Variants in SERPINB10 observed in about 807,000 individuals in gnomAD.
The protein encoded by SERPINB10 is serpin B10.
A neutral mutation model predicts 39.1 loss-of-function variants in SERPINB10; 35 were observed. The ratio of observed to expected loss-of-function variants is 0.90; its 90% CI spans 0.68 to 1.19. The LOEUF (loss-of-function observed/expected upper bound fraction) is 1.19, where lower values mean the gene tolerates loss of function less well. Among genes scored for constraint, SERPINB10 ranks in the 50% most tolerant of loss-of-function variants. The pLI is 0.00. For missense variants in SERPINB10, 546 were observed against 460.5 expected, an observed-to-expected ratio of 1.19 and a Z score of -1.70; for synonymous variants, 190 against 158.1, an observed-to-expected ratio of 1.20 and a Z score of -1.52.
rs2050259391 is a variant in SERPINB10 at position 63,935,785 on chromosome 18, G to A, written c.*543G>A. ...AGATCACACCAGTGCACTCCAACCT[G>A]GGCAACAGAGCAAGACCCTGTCTCA... On this transcript the variant is annotated 3_prime_UTR_variant, in exon 8 of 8. Transcript: ENST00000238508. 6.6e-6 allele frequency: 1 copy of A among 152,192 alleles called. No individual in the cohort carries two copies. Among genetic ancestry groups the A allele is most frequent in the Admixed American group, 6.5e-5 (1 of 15,278 alleles). 9.4% of individuals were successfully genotyped at this position (152,192 alleles called of 1,614,324 possible). A position where few individuals can be genotyped will look rare whatever the true frequency, so the allele number is the denominator to read the frequency against.
chr18:63,924,067 G>T (rs527458850), intron 5 of SERPINB10, among the ~76,000 whole-genome samples: 23 of 152,020 alleles, frequency 1.5e-4, no homozygotes, highest in African/African-American at 4.8e-4. Context: ...TATTAATTCT[G>T]CTTCCTGTTA....
intron 7 of SERPINB10, among the ~76,000 whole-genome samples, chr18:63,933,494 A>C (rs1481334709): frequency 6.6e-6 from 1 of 152,242 alleles, no homozygotes; most frequent in African/African-American, 2.4e-5. Context: ...CATGTACAAC[A>C]GATACAAATA....
intron 6 of SERPINB10, among the ~76,000 whole-genome samples, chr18:63,931,188 A>C (rs1021476869): frequency 3.3e-5 from 5 of 152,152 alleles, no homozygotes; most frequent in Non-Finnish European, 5.9e-5. Flanking sequence ...TCCAGGAGTG[A>C]GTGATTGGGG....
chr18:63,912,650 C>A (rs80170191), intron 1 of SERPINB10, among the ~76,000 whole-genome samples: 1 of 151,810 alleles, frequency 6.6e-6, no homozygotes, highest in Middle Eastern at 3.4e-3. Context: ...GGTAAATTAA[C>A]TTTTTGATAT....
At chr18:63,911,649 T>C (rs2050065301) in intron 1 of SERPINB10, among the ~76,000 whole-genome samples, 1 of 152,112 alleles carries the variant, frequency 6.6e-6, no homozygotes, top group South Asian at 2.1e-4. Context: ...TCTGTTTTTG[T>C]GCCAGCACCA....
intron 1 of SERPINB10, among the ~76,000 whole-genome samples, chr18:63,915,117 G>T (rs962124994): frequency 6.6e-6 from 1 of 152,022 alleles, no homozygotes; most frequent in Admixed American, 6.6e-5. Flanking sequence ...GCACGAAGCA[G>T]CATAAAAAGA....
At chr18:63,921,183 TTCA>T (rs1421044504) in intron 5 of SERPINB10, among the ~76,000 whole-genome samples, 3 of 151,986 alleles carry the variant, frequency 2.0e-5, no homozygotes, top group African/African-American at 2.4e-5. Context: ...TGAAGATTAA[TTCA>T]TCATTTGTCA....
At chr18:63,918,535 T>C (rs2144725322) in intron 4 of SERPINB10, among the ~76,000 whole-genome samples, 1 of 152,144 alleles carries the variant, frequency 6.6e-6, no homozygotes, top group Non-Finnish European at 1.5e-5. Flanking sequence ...ATGATGACTC[T>C]GTCCTCTGTT....
chr18:63,932,957 G>C (rs1445566881), intron 6 of SERPINB10, 91 bp from the exon 7 acceptor site: 1 of 1,212,084 alleles, frequency 8.3e-7, no homozygotes, highest in Non-Finnish European at 1.2e-6. Context: ...TTCACCAACT[G>C]AGAGCCAATG....
At chr18:63,928,953 A>G (rs1303387199) in intron 5 of SERPINB10, among the ~76,000 whole-genome samples, 5 of 152,186 alleles carry the variant, frequency 3.3e-5, no homozygotes, top group Admixed American at 6.5e-5. Flanking sequence ...TCGGTGGCCT[A>G]TGTGAACTTT....
intron 4 of SERPINB10, among the ~76,000 whole-genome samples, chr18:63,919,411 TA>T (rs2050129774): frequency 6.6e-6 from 1 of 151,882 alleles, no homozygotes; most frequent in Admixed American, 6.6e-5. Flanking sequence ...ATACCTACCA[TA>T]AAAAGTCAAG....
chr18:63,909,210 A>G (rs1004894930), intron 1 of SERPINB10, among the ~76,000 whole-genome samples: 14 of 152,084 alleles, frequency 9.2e-5, no homozygotes, highest in African/African-American at 3.4e-4. Flanking sequence ...AAGCTCATAG[A>G]TGATCAGTTT....
chr18:63,927,984 A>G (rs138741861), intron 5 of SERPINB10, among the ~76,000 whole-genome samples: 1 of 152,204 alleles, frequency 6.6e-6, no homozygotes, highest in East Asian at 1.9e-4. Flanking sequence ...AAGGTTGAAA[A>G]GAATTTACCT....
At chr18:63,923,310 T>C (rs1476922724) in intron 5 of SERPINB10, among the ~76,000 whole-genome samples, 1 of 151,960 alleles carries the variant, frequency 6.6e-6, no homozygotes, top group Non-Finnish European at 1.5e-5. Flanking sequence ...AAATAAGGAA[T>C]TAATTAGTTC....
intron 2 of SERPINB10, 66 bp from the exon 3 acceptor site, chr18:63,917,390 A>T: frequency 1.1e-6 from 1 of 908,302 alleles, no homozygotes; most frequent in Non-Finnish European, 1.7e-6. Flanking sequence ...GTATTTACAG[A>T]TGATGTATGA....
intron 1 of SERPINB10, among the ~76,000 whole-genome samples, chr18:63,908,426 A>T (rs143670719): frequency 6.6e-6 from 1 of 152,138 alleles, no homozygotes; most frequent in East Asian, 1.9e-4. Context: ...AGGACGGTTG[A>T]GCCAAAACCC....
chr18:63,934,874 T>C lies in SERPINB10; in HGVS notation c.826T>C (p.Trp276Arg). ...CATCACCTATGAGAAGCTGAATGAG[T>C]GGACCAGTGCAGACATGATGGAGTT... The part of the protein sequence containing the change: ...KAITYEKLNE[W>R]TSADMMELYE... Residue 276 changes from tryptophan to arginine, a missense_variant, in exon 8 of 8, where the codon TGG becomes CGG. Coordinates refer to ENST00000238508, the MANE Select transcript of SERPINB10 (RefSeq NM_005024.3). The C allele has an allele frequency of 1.2e-6, 2 of 1,611,954 alleles. No homozygotes were observed. Among genetic ancestry groups the C allele is most frequent in the Admixed American group, 1.7e-5 (1 of 59,608 alleles).
intron 5 of SERPINB10, among the ~76,000 whole-genome samples, chr18:63,920,279 C>T (rs1179747444): frequency 1.3e-5 from 2 of 151,936 alleles, no homozygotes; most frequent in Non-Finnish European, 2.9e-5. Context: ...ATTAAATGTG[C>T]TATAGAATCT....
At chr18:63,932,797 C>T (rs1383643171) in intron 6 of SERPINB10, among the ~76,000 whole-genome samples, 1 of 152,126 alleles carries the variant, frequency 6.6e-6, no homozygotes, top group Non-Finnish European at 1.5e-5. Flanking sequence ...TGATTTAATA[C>T]ATGTTGCTGT....
Sources: gnomAD v4.1 joint callset for allele counts (sites outside exome capture counted in the v4.1 genomes callset) on GRCh38, gnomAD v4.1.1 for gene constraint, MANE v1.5 for transcripts, NCBI Gene and HGNC (gene_info 2026-07-23, HGNC 2026-07-21) for gene names.